The following SHMT1 variants were observed in gnomAD, a reference collection of about 807,000 sequenced individuals.
SHMT1 encodes the protein serine hydroxymethyltransferase 1, also known as serine hydroxymethyltransferase, cytosolic.
In SHMT1, 45 loss-of-function variants were observed where a neutral mutation model predicts 49.0. The ratio of observed to expected loss-of-function variants is 0.92; its 90% CI spans 0.72 to 1.18. The LOEUF is 1.18. SHMT1 is among the 50% of genes most tolerant of loss of function. The probability of loss-of-function intolerance (pLI) is 0.00; values close to 1 mark genes in which losing one functional copy is unlikely to be tolerated. For synonymous variants in SHMT1, 232 were observed against 246.6 expected (o/e 0.94, Z 0.55); for missense variants, 541 against 612.4 (o/e 0.88, Z 1.23).
rs1294448369 is a variant in SHMT1, at chr17:18,333,197, G to A, written c.1023C>T (p.Ala341=). ...VVANCRALSE[A]LTELGYKIVT... is the part of the protein sequence containing the mutation. ...CTATTTTGTAGCCCAGCTCCGTCAG[G>A]GCCTCAGACAGAGCCCTGCAGTTGG... The change falls in exon 9 of 12, where the codon GCC becomes GCT. Residue 341 remains alanine, a synonymous_variant. Coordinates refer to ENST00000316694, the MANE Select transcript of SHMT1 (RefSeq NM_004169.5). The A allele has an allele frequency of 1.9e-6, 3 of 1,614,040 alleles. No individual in the cohort carries two copies. The highest frequency in any genetic ancestry group is 2.2e-5 in the South Asian group (2 of 91,078).
At chr17:18,334,852 C>T (rs1983620927) in intron 8 of SHMT1, among the ~76,000 whole-genome samples, 2 of 152,304 alleles carry the variant, frequency 1.3e-5, no homozygotes, top group South Asian at 4.1e-4. Flanking sequence ...GATGGGAGAA[C>T]ATGAGAACAC....
At chr17:18,343,803 C>T (rs1984789239) in intron 5 of SHMT1, among the ~76,000 whole-genome samples, 1 of 150,476 alleles carries the variant, frequency 6.6e-6, no homozygotes, top group African/African-American at 2.5e-5. Flanking sequence ...GCCTCTAGTC[C>T]CAGCTACTTG....
chr17:18,337,460 G>A (rs1983912934), intron 7 of SHMT1, among the ~76,000 whole-genome samples: 1 of 152,214 alleles, frequency 6.6e-6, no homozygotes, highest in Admixed American at 6.5e-5. Context: ...GAGAAGCTGA[G>A]GGGGCATGTG....
chr17:18,340,251 G>T lies in SHMT1; in HGVS notation c.606C>A (p.Thr202=). The T allele has an allele frequency of 6.2e-7, 1 of 1,614,044 alleles. No homozygotes were observed. Among genetic ancestry groups the T allele is most frequent in the South Asian group, 1.1e-5 (1 of 91,090 alleles). ...ATTCCAGGTTTCGGGAGTAGCAGCT[G>T]GTTCCTGAGACAGGAAAGGTGACAC... ...LFHPKLIIAG[T]SCYSRNLEYA... is the part of the protein sequence containing the mutation. Residue 202 remains threonine (T), a synonymous_variant, in exon 7 of 12, where the codon ACC becomes ACA. Transcript: ENST00000316694. This position sits in a 1 kb window ranked among gnomAD's most constrained non-coding sequence, Gnocchi z 4.5.
Position 18,355,993 on chromosome 17 carries a change from G to C in SHMT1, c.-12C>G. ...ACTGGCATCGTCATTGCACTGGTTC[G>C]AAGCTGCCTAAAAAAATGGGAAAAA... On this transcript the variant is annotated 5_prime_UTR_variant, in exon 2 of 12. Coordinates refer to ENST00000316694, the MANE Select transcript of SHMT1 (RefSeq NM_004169.5). The C allele has an allele frequency of 6.3e-7, 1 of 1,579,024 alleles. No individual in the cohort carries two copies. Among genetic ancestry groups the C allele is most frequent in the Non-Finnish European group, 8.7e-7 (1 of 1,149,044 alleles).
chr17:18,334,326 T>G (rs1983561806), intron 8 of SHMT1, among the ~76,000 whole-genome samples: 1 of 152,148 alleles, frequency 6.6e-6, no homozygotes, highest in Non-Finnish European at 1.5e-5. Flanking sequence ...TGGGCTCAAG[T>G]GACCCACCCA....
Position 18,340,510 on chromosome 17 carries a change from CTTCTCT to C in SHMT1, c.601+216_601+221del, listed in dbSNP as rs1984379889. On this transcript the variant is annotated intron_variant, in intron 6 of 11. Transcript: ENST00000316694. This position sits in a 1 kb window ranked among gnomAD's most constrained non-coding sequence, Gnocchi z 4.5. ...AGTCAGGGCCTGACATTTCTAGATG[CTTCTCT>C]GAGAACAGTCTCACATCTTAATCTA... The C allele has an allele frequency of 1.5e-6, 1 of 671,842 alleles. No individual in the cohort carries two copies. Among genetic ancestry groups the C allele is most frequent in the African/African-American group, 1.8e-5 (1 of 56,086 alleles). 41.6% of individuals were successfully genotyped at this position (671,842 alleles called of 1,614,324 possible). A position where few individuals can be genotyped will look rare whatever the true frequency, so the allele number is the denominator to read the frequency against.
chr17:18,343,523 G>A (rs941874383), intron 5 of SHMT1, among the ~76,000 whole-genome samples: 2 of 146,636 alleles, frequency 1.4e-5, no homozygotes, highest in Admixed American at 7.1e-5. Context: ...GAGGAGAATC[G>A]CTTAAACCCG....
chr17:18,353,698 TTTG>T lies in SHMT1; in HGVS notation c.213_215del (p.Asn71del). ...TCTGGCCCGGGTACCCCTCAGAGTATTTGTTATTTAAGCAAGAGCCTAGGGCCT... is the reference window on the plus strand; with the variant it reads ...TCTGGCCCGGGTACCCCTCAGAGTATTTATTTAAGCAAGAGCCTAGGGCCT... On this transcript the variant is annotated inframe_deletion, in exon 3 of 12. Coordinates refer to ENST00000316694, the MANE Select transcript of SHMT1 (RefSeq NM_004169.5). The T allele has an allele frequency of 6.2e-7, 1 of 1,614,122 alleles. No individual in the cohort carries two copies. The highest frequency in any genetic ancestry group is 1.1e-5 in the South Asian group (1 of 91,076).
chr17:18,354,523 G>A (rs1261575818), intron 2 of SHMT1, among the ~76,000 whole-genome samples: 1 of 152,226 alleles, frequency 6.6e-6, no homozygotes, highest in Non-Finnish European at 1.5e-5. Flanking sequence ...TTGAACCTGG[G>A]AGGTGGAGGA....
At chr17:18,339,730 T>G (rs1013475389) in intron 7 of SHMT1, among the ~76,000 whole-genome samples, 5 of 152,076 alleles carry the variant, frequency 3.3e-5, no homozygotes, top group African/African-American at 1.2e-4. Context: ...TCGGCTAATT[T>G]TTCGTGTTTT....
In SHMT1 at chr17:18,331,187, AC is replaced by A. The variant is rs574325359; in HGVS notation, c.1055-517del. 1.7e-3 allele frequency: 437 copies of A among 260,932 alleles called. 13 individuals carry two copies. In the South Asian group the frequency reaches 0.02, roughly 12 times the overall value. 16.2% of individuals were successfully genotyped at this position (260,932 alleles called of 1,614,324 possible). ...CAGCAAGGCTAACAGAGTTTTCTGG[AC>A]CTGGCCCGAGGTCATACAGGAGGAT... On this transcript the variant is annotated intron_variant, in intron 9 of 11. Transcript: ENST00000316694.
intron 2 of SHMT1, among the ~76,000 whole-genome samples, chr17:18,355,094 G>A (rs1320385806): frequency 2.2e-5 from 3 of 133,962 alleles, no homozygotes; most frequent in South Asian, 2.3e-4. Context: ...AAAAGGCCGG[G>A]TGCGGTGGCT....
chr17:18,332,716 A>G (rs1260633906), intron 9 of SHMT1: 1 of 276,846 alleles, frequency 3.6e-6, no homozygotes, highest in Admixed American at 4.4e-5. Context: ...AAGCAAGCCA[A>G]CTCCCCAGGA....
intron 7 of SHMT1, 47 bp downstream of exon 7, chr17:18,339,995 GA>G: frequency 6.3e-7 from 1 of 1,576,928 alleles, no homozygotes. Flanking sequence ...CCCCACAGGA[GA>G]AATGTAAACC....
rs188015734 is a variant in SHMT1 at position 18,342,630 on chromosome 17, A to T, written c.520-1817T>A. Among the ~76,000 whole-genome samples, 26 of 152,030 alleles carry T rather than the reference A, an allele frequency of 1.7e-4. No homozygotes were observed. In the East Asian group the frequency reaches 4.9e-3, roughly 28 times the overall value. On this transcript the variant is annotated intron_variant, in intron 5 of 11. Transcript: ENST00000316694. Reference sequence around the variant, plus strand: ...CACCTGGCCATGTGATCTTACTTCTATGTGAAATCTAAAACAATCGAACTG... The same window carrying T: ...CACCTGGCCATGTGATCTTACTTCTTTGTGAAATCTAAAACAATCGAACTG...
chr17:18,343,069 G>A (rs1384267102), intron 5 of SHMT1, among the ~76,000 whole-genome samples: 2 of 152,126 alleles, frequency 1.3e-5, no homozygotes, highest in Admixed American at 6.6e-5. Flanking sequence ...AGGGTACAAA[G>A]TTGCAGTTAG....
chr17:18,334,040 G>A (rs1444399263), intron 8 of SHMT1, among the ~76,000 whole-genome samples: 3 of 152,050 alleles, frequency 2.0e-5, no homozygotes, highest in Non-Finnish European at 4.4e-5. Flanking sequence ...CCGGGTTCAA[G>A]CAATTCTCCT....
chr17:18,359,384 A>C (rs1228371245), intron 1 of SHMT1, among the ~76,000 whole-genome samples: 7 of 152,110 alleles, frequency 4.6e-5, no homozygotes, highest in Non-Finnish European at 1.0e-4. Context: ...ACAAAAATTT[A>C]GAAATTAGGC....
Sources: gnomAD v4.1 joint callset for allele counts (sites outside exome capture counted in the v4.1 genomes callset) on GRCh38, gnomAD v4.1.1 for gene constraint, Gnocchi (gnomAD v3.1) non-coding constraint, MANE v1.5 for transcripts, NCBI Gene and HGNC (gene_info 2026-07-23, HGNC 2026-07-21) for gene names.